Variants in ZNF385D observed in about 807,000 individuals in gnomAD.
ZNF385D encodes zinc finger protein 659.
A neutral mutation model predicts 35.8 loss-of-function variants in ZNF385D; 15 were observed. The observed-to-expected ratio is 0.42, with a 90% confidence interval of 0.28 to 0.64. The LOEUF (loss-of-function observed/expected upper bound fraction) is 0.64, where lower values mean the gene tolerates loss of function less well. ZNF385D is among the 30% of genes least tolerant of loss of function. ZNF385D has a pLI of 0.23. For synonymous variants in ZNF385D, 212 were observed against 186.8 expected (o/e 1.13, Z -1.10); for missense variants, 474 against 494.6 (o/e 0.96, Z 0.39).
At chr3:22,022,267 A>G (rs1166600259) in intron 3 of ZNF385D, among the ~76,000 whole-genome samples, 2 of 152,152 alleles carry the variant, frequency 1.3e-5, no homozygotes, top group Non-Finnish European at 2.9e-5. Flanking sequence ...AATGTTAGCT[A>G]TTATCATGTT....
At chr3:21,434,104 A>AT (rs1247421052) in intron 5 of ZNF385D, among the ~76,000 whole-genome samples, 3 of 152,142 alleles carry the variant, frequency 2.0e-5, no homozygotes, top group African/African-American at 7.2e-5. Context: ...TAATTCTGTC[A>AT]TTTTTCATGA....
intron 2 of ZNF385D, among the ~76,000 whole-genome samples, chr3:21,651,258 A>C (rs2065903915): frequency 7.9e-6 from 1 of 125,876 alleles, no homozygotes; most frequent in Admixed American, 1.0e-4. Flanking sequence ...ACCGCACTCC[A>C]GCCTGGGCGA....
chr3:22,045,629 T>C (rs572050233), intron 3 of ZNF385D, among the ~76,000 whole-genome samples: 1 of 152,322 alleles, frequency 6.6e-6, no homozygotes, highest in South Asian at 2.1e-4. Context: ...GGTTTTACTC[T>C]CATTTCTAGT....
At chr3:21,899,962 A>C (rs190313273) in intron 3 of ZNF385D, among the ~76,000 whole-genome samples, 5 of 152,254 alleles carry the variant, frequency 3.3e-5, no homozygotes, top group African/African-American at 1.2e-4. Flanking sequence ...AGCTAGCTTC[A>C]ATGTCAGGTG....
intron 3 of ZNF385D, among the ~76,000 whole-genome samples, chr3:21,906,820 A>G (rs1224078850): frequency 2.0e-5 from 3 of 152,050 alleles, no homozygotes; most frequent in Non-Finnish European, 4.4e-5. Flanking sequence ...TTATTTTCTG[A>G]TCAAAGAAGA....
At chr3:21,699,823 CTTTT>C (rs1006362754) in intron 1 of ZNF385D, among the ~76,000 whole-genome samples, 8 of 88,904 alleles carry the variant, frequency 9.0e-5, no homozygotes, top group East Asian at 6.5e-4. Flanking sequence ...GTTTCTTTTC[CTTTT>C]TTTTTTTTTT....
intron 3 of ZNF385D, among the ~76,000 whole-genome samples, chr3:21,990,285 A>G (rs1273934419): frequency 1.3e-5 from 2 of 152,218 alleles, no homozygotes; most frequent in African/African-American, 2.4e-5. Context: ...TCTTCTCATG[A>G]TGACATCTAG....
At chr3:22,325,753 G>A (rs1033160313) in intron 2 of ZNF385D, among the ~76,000 whole-genome samples, 2 of 151,912 alleles carry the variant, frequency 1.3e-5, no homozygotes, top group African/African-American at 4.8e-5. Flanking sequence ...GCGAGACTCT[G>A]TCTCAAAAAA....
At chr3:22,319,976 C>A (rs932841243) in intron 2 of ZNF385D, among the ~76,000 whole-genome samples, 1 of 152,026 alleles carries the variant, frequency 6.6e-6, no homozygotes, top group Admixed American at 6.6e-5. Flanking sequence ...ATCATCAGAA[C>A]TCTCTTTGAC....
chr3:22,126,526 C>T (rs1307097242), intron 3 of ZNF385D, among the ~76,000 whole-genome samples: 3 of 151,796 alleles, frequency 2.0e-5, no homozygotes, highest in Non-Finnish European at 2.9e-5. Context: ...TAGTTTTATT[C>T]CATTGTGGTC....
intron 3 of ZNF385D, among the ~76,000 whole-genome samples, chr3:21,762,210 G>T (rs1466157306): frequency 1.3e-5 from 2 of 151,900 alleles, no homozygotes; most frequent in Non-Finnish European, 2.9e-5. Flanking sequence ...ATATCTTGAG[G>T]ATAATATTCG....
intron 3 of ZNF385D, among the ~76,000 whole-genome samples, chr3:22,005,069 A>G (rs1243757394): frequency 6.7e-6 from 1 of 149,648 alleles, no homozygotes; most frequent in East Asian, 1.9e-4. Context: ...AAAAAAAAAA[A>G]AAAAAAAAAA....
intron 3 of ZNF385D, among the ~76,000 whole-genome samples, chr3:21,522,696 A>T (rs1707985913): frequency 6.6e-6 from 1 of 152,144 alleles, no homozygotes; most frequent in African/African-American, 2.4e-5. Flanking sequence ...TAACTCTTGG[A>T]GGGAGGGAGG....
intron 2 of ZNF385D, among the ~76,000 whole-genome samples, chr3:22,314,600 G>T (rs894363196): frequency 6.6e-6 from 1 of 151,958 alleles, no homozygotes; most frequent in African/African-American, 2.4e-5. Flanking sequence ...ATTGTTTCAC[G>T]TAGGGTTGAG....
chr3:22,142,688 G>C (rs1211212328), intron 3 of ZNF385D, among the ~76,000 whole-genome samples: 1 of 152,028 alleles, frequency 6.6e-6, no homozygotes, highest in Non-Finnish European at 1.5e-5. Context: ...AGCCTCAGCA[G>C]GTGATGAGTG....
intron 3 of ZNF385D, chr3:21,562,011 G>A (rs750417910): frequency 6.6e-6 from 1 of 151,978 alleles, no homozygotes; most frequent in Non-Finnish European, 1.5e-5. Context: ...GGTCAAGCCT[G>A]CAATTGTTTA....
At chr3:22,219,748 C>A (rs1280060790) in intron 2 of ZNF385D, among the ~76,000 whole-genome samples, 1 of 152,098 alleles carries the variant, frequency 6.6e-6, no homozygotes, top group African/African-American at 2.4e-5. Flanking sequence ...GTGATTTATA[C>A]TAAATGGAAT....
intron 3 of ZNF385D, among the ~76,000 whole-genome samples, chr3:21,996,322 C>A (rs1358555568): frequency 6.6e-6 from 1 of 152,164 alleles, no homozygotes; most frequent in Non-Finnish European, 1.5e-5. Context: ...CTTTTCCCTG[C>A]AGTGGAGTTT....
intron 3 of ZNF385D, among the ~76,000 whole-genome samples, chr3:21,994,322 G>A (rs1695330948): frequency 6.6e-6 from 1 of 152,116 alleles, no homozygotes; most frequent in African/African-American, 2.4e-5. Flanking sequence ...TGTTAATCCT[G>A]GAAAGTTTAT....
Sources: gnomAD v4.1 joint callset for allele counts (sites outside exome capture counted in the v4.1 genomes callset) on GRCh38, gnomAD v4.1.1 for gene constraint, MANE v1.5 for transcripts, NCBI Gene and HGNC (gene_info 2026-07-23, HGNC 2026-07-21) for gene names.